Variants in INSR observed in about 807,000 individuals in gnomAD.
The protein encoded by INSR is insulin receptor, also known as IR.
INSR carries 67 observed loss-of-function variants against 142.6 expected under a neutral mutation model. That is an observed-to-expected ratio of 0.47 (90% confidence interval 0.39 to 0.58). The LOEUF (loss-of-function observed/expected upper bound fraction) is 0.58, where lower values mean the gene tolerates loss of function less well. INSR is among the 20% of genes least tolerant of loss of function. The pLI is 0.00. For missense variants in INSR, 1,248 were observed against 1,833.2 expected, an observed-to-expected ratio of 0.68 and a Z score of 5.83; for synonymous variants, 756 against 743.1, an observed-to-expected ratio of 1.02 and a Z score of -0.28.
At chr19:7,146,303 G>A (rs537941621) in intron 11 of INSR, among the ~76,000 whole-genome samples, 119 of 146,946 alleles carry the variant, frequency 8.1e-4, no homozygotes, top group Admixed American at 2.2e-3. Flanking sequence ...GTGCAATGGC[G>A]CAACCTCGGT....
At chr19:7,148,474 A>ATTTTTTTTT (rs1568445065) in intron 11 of INSR, among the ~76,000 whole-genome samples, 2 of 50,834 alleles carry the variant, frequency 3.9e-5, no homozygotes, top group African/African-American at 1.8e-4. Flanking sequence ...TTATGTATTT[A>ATTTTTTTTT]TTCTTTTTTT....
intron 2 of INSR, among the ~76,000 whole-genome samples, chr19:7,204,517 G>A (rs1252328043): frequency 6.6e-6 from 1 of 152,054 alleles, no homozygotes; most frequent in Non-Finnish European, 1.5e-5. Context: ...TCTCTGATTG[G>A]GGGAAAGATC....
chr19:7,184,285 G>A, intron 3 of INSR, 31 bp downstream of exon 3: 1 of 1,598,884 alleles, frequency 6.3e-7, no homozygotes. Context: ...TCTCCTCTCG[G>A]CTGCCCCCCA....
chr19:7,184,243 A>C, intron 3 of INSR, 73 bp downstream of exon 3: 1 of 1,343,760 alleles, frequency 7.4e-7, no homozygotes, highest in Non-Finnish European at 1.1e-6. Context: ...AGTTTTAACA[A>C]GCGGCATCGT....
rs1431284664 is a variant in INSR, at chr19:7,115,918, G to T, written c.*1138C>A. The T allele has an allele frequency of 6.6e-6, 1 of 152,076 alleles. No homozygotes were observed. Among genetic ancestry groups the T allele is most frequent in the Admixed American group, 6.6e-5 (1 of 15,244 alleles). The allele number at this position is 152,076 out of a possible 1,614,324, so 9.4% of individuals were successfully genotyped here. A position where few individuals can be genotyped will look rare whatever the true frequency, so the allele number is the denominator to read the frequency against. ...TTAAGACCAAACAAAGAGGCCACTT[G>T]TGCCTGACTCCCTCCCCTTCCCGGC... On this transcript the variant is annotated 3_prime_UTR_variant, in exon 22 of 22. Coordinates refer to ENST00000302850, the MANE Select transcript of INSR (RefSeq NM_000208.4).
chr19:7,256,391 G>C (rs1218862786), intron 2 of INSR, among the ~76,000 whole-genome samples: 1 of 152,184 alleles, frequency 6.6e-6, no homozygotes, highest in Middle Eastern at 3.2e-3. Flanking sequence ...AGGGGTTGCA[G>C]TGAGCCGAGA....
rs1240591263 is a variant in INSR at position 7,112,559 on chromosome 19, G to T, written c.*4497C>A. On this transcript the variant is annotated 3_prime_UTR_variant, in exon 22 of 22. Transcript: ENST00000302850. Reference sequence around the variant, plus strand: ...CAGGCAAAGTGTAAAGACTAAACAAGCTGTTCCTGAATATGTGCATGGGTG... The same window carrying T: ...CAGGCAAAGTGTAAAGACTAAACAATCTGTTCCTGAATATGTGCATGGGTG... 6.6e-6 allele frequency: 1 copy of T among 152,174 alleles called. No homozygotes were observed. Among genetic ancestry groups the T allele is most frequent in the African/African-American group, 2.4e-5 (1 of 41,440 alleles). 9.4% of individuals were successfully genotyped at this position (152,174 alleles called of 1,614,324 possible).
chr19:7,143,550 T>C (rs1678046819), intron 11 of INSR, among the ~76,000 whole-genome samples: 1 of 152,174 alleles, frequency 6.6e-6, no homozygotes, highest in Non-Finnish European at 1.5e-5. Context: ...AAAATACATC[T>C]TTTCCTTCTT....
intron 2 of INSR, among the ~76,000 whole-genome samples, chr19:7,219,513 G>A (rs1242048367): frequency 9.0e-6 from 1 of 110,996 alleles, no homozygotes; most frequent in African/African-American, 3.4e-5. Flanking sequence ...GGGAGGGAAC[G>A]AAGGAAAGAA....
In INSR at chr19:7,144,704, CTTTT is replaced by C. The variant is rs199504210; in HGVS notation, c.2268-1618_2268-1615del. On this transcript the variant is annotated intron_variant, in intron 11 of 21. Transcript: ENST00000302850. The stretch of plus-strand genomic sequence containing the variant: ...CAGGCATGAGCCACCGCACATGGCT[CTTTT>C]TTTTTTTTTTTGCTGTTATAAATAT... Among the ~76,000 whole-genome samples the C allele has an allele frequency of 1.4e-4, 19 of 135,924 alleles. No homozygotes were observed. The East Asian group carries it at 3.7e-3, about 27-fold the overall frequency. The allele number at this position is 135,924 out of a possible 152,430, so 89.2% of individuals were successfully genotyped here.
intron 2 of INSR, among the ~76,000 whole-genome samples, chr19:7,263,244 C>T (rs187913341): frequency 6.6e-6 from 1 of 151,726 alleles, no homozygotes; most frequent in African/African-American, 2.4e-5. Context: ...ACACCACTGC[C>T]CCCCAGCCTA....
intron 2 of INSR, among the ~76,000 whole-genome samples, chr19:7,253,521 T>A (rs1976799244): frequency 6.6e-6 from 1 of 152,008 alleles, no homozygotes; most frequent in Non-Finnish European, 1.5e-5. Context: ...TACAGGCGTG[T>A]GCCTGGCCCC....
At chr19:7,129,257 C>G (rs907315718) in intron 14 of INSR, among the ~76,000 whole-genome samples, 3 of 152,202 alleles carry the variant, frequency 2.0e-5, no homozygotes, top group Non-Finnish European at 2.9e-5. Flanking sequence ...GATGCAGGAC[C>G]CTTTTCTGTC....
At chr19:7,263,288 A>AG in intron 2 of INSR, among the ~76,000 whole-genome samples, 1 of 152,292 alleles carries the variant, frequency 6.6e-6, no homozygotes, top group South Asian at 2.1e-4. Flanking sequence ...CAAAAAAAAA[A>AG]AAAGTTAAGA....
chr19:7,201,667 C>CTTATTT (rs1974957668), intron 2 of INSR, among the ~76,000 whole-genome samples: 1 of 127,880 alleles, frequency 7.8e-6, no homozygotes, highest in African/African-American at 3.1e-5. Flanking sequence ...TATTTTCATT[C>CTTATTT]TTTTTTTTTT....
At chr19:7,218,650 C>T (rs1182001844) in intron 2 of INSR, among the ~76,000 whole-genome samples, 1 of 152,106 alleles carries the variant, frequency 6.6e-6, no homozygotes, top group Non-Finnish European at 1.5e-5. Context: ...AAGTGATTCT[C>T]CTGCCTCAGC....
At chr19:7,277,890 G>A (rs1176817519) in intron 1 of INSR, among the ~76,000 whole-genome samples, 1 of 151,788 alleles carries the variant, frequency 6.6e-6, no homozygotes, top group Non-Finnish European at 1.5e-5. Context: ...TCAGGAGTTC[G>A]AGACCAGCCA....
chr19:7,132,384 G>A (rs533925816), intron 13 of INSR, 67 bp from the exon 14 acceptor site: 20 of 1,549,326 alleles, frequency 1.3e-5, no homozygotes, highest in African/African-American at 8.1e-5. Flanking sequence ...TCCACCCCTC[G>A]CAGGGAGCTC....
intron 13 of INSR, among the ~76,000 whole-genome samples, chr19:7,141,247 G>A (rs1233353622): frequency 6.6e-6 from 1 of 152,060 alleles, no homozygotes; most frequent in Non-Finnish European, 1.5e-5. Context: ...TAGAGATGGG[G>A]TTTCACCATG....
Sources: gnomAD v4.1 joint callset for allele counts (sites outside exome capture counted in the v4.1 genomes callset) on GRCh38, gnomAD v4.1.1 for gene constraint, MANE v1.5 for transcripts, NCBI Gene and HGNC (gene_info 2026-07-23, HGNC 2026-07-21) for gene names.